The following ADCY2 variants were observed in gnomAD, a reference collection of about 807,000 sequenced individuals.
ADCY2 encodes the protein adenylate cyclase type 2.
Under a neutral mutation model 125.2 loss-of-function variants are expected in ADCY2, and 31 were observed. The observed-to-expected ratio is 0.25, with a 90% CI of 0.19 to 0.33. ADCY2 has a LOEUF of 0.33. Ranked by LOEUF, ADCY2 falls within the 10% of genes least tolerant of loss-of-function variation. The pLI, the probability that ADCY2 is intolerant of heterozygous loss-of-function variation, is 1.00. For synonymous variants in ADCY2, 512 were observed against 548.4 expected (o/e 0.93, Z 0.93); for missense variants, 904 against 1,418.2 (o/e 0.64, Z 5.82).
chr5:7,456,381 CAA>C (rs35557475), intron 2 of ADCY2, among the ~76,000 whole-genome samples: 1 of 151,716 alleles, frequency 6.6e-6, no homozygotes, highest in Non-Finnish European at 1.5e-5. Context: ...TCCTGTGCCT[CAA>C]AAAAAGTCAG....
chr5:7,478,080 T>A (rs764950344), intron 2 of ADCY2, among the ~76,000 whole-genome samples: 5 of 152,202 alleles, frequency 3.3e-5, no homozygotes, highest in Non-Finnish European at 7.3e-5. Flanking sequence ...AGTGGTGTGG[T>A]ATTTCTGTAA....
intron 4 of ADCY2, among the ~76,000 whole-genome samples, chr5:7,676,798 A>G (rs975191313): frequency 3.9e-5 from 6 of 152,238 alleles, no homozygotes; most frequent in Non-Finnish European, 8.8e-5. Context: ...AGCCTTGGCC[A>G]TACGTTTGGA....
At chr5:7,654,824 G>A (rs953701219) in intron 4 of ADCY2, among the ~76,000 whole-genome samples, 5 of 152,200 alleles carry the variant, frequency 3.3e-5, no homozygotes, top group African/African-American at 1.2e-4. Context: ...ATAGTAAGGG[G>A]AAGCAGCCTA....
intron 23 of ADCY2, among the ~76,000 whole-genome samples, chr5:7,819,991 C>A (rs1265362346): frequency 1.3e-5 from 2 of 152,172 alleles, no homozygotes; most frequent in Non-Finnish European, 2.9e-5. Flanking sequence ...AGGCTGGAAC[C>A]GCAGGCCAGT....
intron 3 of ADCY2, among the ~76,000 whole-genome samples, chr5:7,619,009 C>T (rs1737861120): frequency 6.6e-6 from 1 of 152,160 alleles, no homozygotes; most frequent in African/African-American, 2.4e-5. Context: ...TAGTAAGCCT[C>T]TTGGAAGATC....
At chr5:7,675,806 G>A (rs1249767225) in intron 4 of ADCY2, among the ~76,000 whole-genome samples, 2 of 152,158 alleles carry the variant, frequency 1.3e-5, no homozygotes, top group Non-Finnish European at 1.5e-5. Context: ...TATGAACTTC[G>A]TGGGCATGTT....
At chr5:7,469,415 T>A (rs916202137) in intron 2 of ADCY2, among the ~76,000 whole-genome samples, 2 of 151,960 alleles carry the variant, frequency 1.3e-5, no homozygotes, top group African/African-American at 4.8e-5. Context: ...TCTATCCTAT[T>A]TGTCATAACG....
intron 6 of ADCY2, among the ~76,000 whole-genome samples, chr5:7,697,286 A>G (rs1171037834): frequency 1.3e-5 from 2 of 152,108 alleles, no homozygotes; most frequent in African/African-American, 4.8e-5. Context: ...ACTTCCTCTA[A>G]TCAGTGGAAC....
intron 4 of ADCY2, among the ~76,000 whole-genome samples, chr5:7,675,201 C>T (rs1205878864): frequency 6.6e-6 from 1 of 151,146 alleles, no homozygotes; most frequent in Middle Eastern, 3.2e-3. Flanking sequence ...AAATGTTGGT[C>T]TATTTTGTTA....
chr5:7,675,779 G>C (rs1172379329), intron 4 of ADCY2, among the ~76,000 whole-genome samples: 2 of 152,172 alleles, frequency 1.3e-5, no homozygotes, highest in African/African-American at 4.8e-5. Context: ...AGGTGTGTAG[G>C]TAGGACTGGA....
At chr5:7,610,567 A>C (rs149035114) in intron 3 of ADCY2, among the ~76,000 whole-genome samples, 261 of 152,340 alleles carry the variant, frequency 1.7e-3, no homozygotes, top group African/African-American at 5.8e-3. Context: ...TAAGTAGACA[A>C]GTCTTAGAGG....
chr5:7,513,050 A>C (rs1744123999), intron 2 of ADCY2, among the ~76,000 whole-genome samples: 1 of 149,440 alleles, frequency 6.7e-6, no homozygotes, highest in African/African-American at 2.5e-5. Flanking sequence ...ATGGAATTTC[A>C]GTGAGGGAGA....
intron 2 of ADCY2, among the ~76,000 whole-genome samples, chr5:7,501,083 T>G (rs1743543827): frequency 6.6e-6 from 1 of 152,006 alleles, no homozygotes; most frequent in African/African-American, 2.4e-5. Flanking sequence ...TTCAGCATCT[T>G]TTTTTTGTTC....
intron 3 of ADCY2, among the ~76,000 whole-genome samples, chr5:7,565,913 A>G (rs1039220544): frequency 8.5e-5 from 13 of 152,182 alleles, no homozygotes; most frequent in Admixed American, 2.0e-4. Context: ...TCCATTTAAC[A>G]TCTAATAGTA....
chr5:7,508,125 A>AAATGG (rs1743912580), intron 2 of ADCY2, among the ~76,000 whole-genome samples: 1 of 152,204 alleles, frequency 6.6e-6, no homozygotes, highest in Non-Finnish European at 1.5e-5. Flanking sequence ...CATTATGGGT[A>AAATGG]AATGGCTACC....
chr5:7,783,012 G>A (rs887349530), intron 18 of ADCY2, among the ~76,000 whole-genome samples: 1 of 152,236 alleles, frequency 6.6e-6, no homozygotes, highest in African/African-American at 2.4e-5. Context: ...CGGCAGGTTT[G>A]GTGGGGAGGA....
intron 14 of ADCY2, among the ~76,000 whole-genome samples, chr5:7,738,643 C>CT (rs1262602905): frequency 2.0e-5 from 3 of 151,868 alleles, no homozygotes; most frequent in Non-Finnish European, 4.4e-5. Context: ...AAGAGATGCA[C>CT]TTTAAATACA....
intron 14 of ADCY2, among the ~76,000 whole-genome samples, chr5:7,732,093 T>G (rs1161574245): frequency 1.3e-5 from 2 of 152,208 alleles, no homozygotes; most frequent in African/African-American, 2.4e-5. Context: ...TAGATTTCAG[T>G]GTATCTTTGC....
At chr5:7,426,749 C>T (rs973477284) in intron 2 of ADCY2, among the ~76,000 whole-genome samples, 15 of 152,090 alleles carry the variant, frequency 9.9e-5, no homozygotes, top group Admixed American at 9.8e-4. Flanking sequence ...CCCTGGGTCT[C>T]CCCCAGGAGA....
Sources: allele counts gnomAD v4.1 joint callset (sites outside exome capture counted in the v4.1 genomes callset), GRCh38; gene constraint gnomAD v4.1.1; transcripts MANE v1.5; gene names NCBI Gene and HGNC (gene_info 2026-07-23, HGNC 2026-07-21).